Variants in RGSL1 observed in about 807,000 individuals in gnomAD.
RGSL1 encodes the protein regulator of G protein signaling like 1, also known as regulator of G protein signaling protein-like.
A neutral mutation model predicts 124.7 loss-of-function variants in RGSL1; 97 were observed. The ratio of observed to expected loss-of-function variants is 0.78; its 90% CI spans 0.66 to 0.92. The LOEUF (loss-of-function observed/expected upper bound fraction) is 0.92, where lower values mean the gene tolerates loss of function less well. Ranked by LOEUF, RGSL1 falls within the 40% of genes least tolerant of loss-of-function variation. RGSL1 has a pLI of 0.00. For missense variants in RGSL1, 1,233 were observed against 1,288.4 expected (o/e 0.96, Z 0.66); for synonymous variants, 424 against 438.1 (o/e 0.97, Z 0.40).
At chr1:182,485,710 G>A (rs1655047165) in intron 6 of RGSL1, among the ~76,000 whole-genome samples, 1 of 152,138 alleles carries the variant, frequency 6.6e-6, no homozygotes, top group Non-Finnish European at 1.5e-5. Flanking sequence ...TTCCTGCTCA[G>A]TCTATTGCAA....
intron 4 of RGSL1, among the ~76,000 whole-genome samples, chr1:182,469,763 A>G (rs986087360): frequency 2.0e-5 from 3 of 152,218 alleles, no homozygotes; most frequent in African/African-American, 7.2e-5. Context: ...GAAACCATCA[A>G]TGGATGAATG....
intron 14 of RGSL1, among the ~76,000 whole-genome samples, chr1:182,538,784 C>T (rs149715264): frequency 4.5e-4 from 69 of 152,186 alleles, no homozygotes; most frequent in African/African-American, 1.4e-3. Context: ...GTCCTAGGCA[C>T]CTCCCTCACC....
intron 14 of RGSL1, among the ~76,000 whole-genome samples, chr1:182,536,930 T>A (rs1334102107): frequency 6.6e-6 from 1 of 152,188 alleles, no homozygotes; most frequent in Non-Finnish European, 1.5e-5. Context: ...ACCATATAAT[T>A]TGCCATACAT....
chr1:182,500,550 A>G (rs1656271309), intron 9 of RGSL1, among the ~76,000 whole-genome samples: 3 of 152,184 alleles, frequency 2.0e-5, no homozygotes, highest in African/African-American at 4.8e-5. Flanking sequence ...AAAAATAATC[A>G]TCGGGGTTTG....
intron 9 of RGSL1, among the ~76,000 whole-genome samples, chr1:182,504,528 C>T (rs1433153907): frequency 9.1e-6 from 1 of 110,382 alleles, no homozygotes; most frequent in Non-Finnish European, 1.7e-5. Flanking sequence ...TTGTAGAAGA[C>T]TGGACTTTTT....
At chr1:182,474,776 G>A (rs944715479) in intron 6 of RGSL1, among the ~76,000 whole-genome samples, 12 of 152,158 alleles carry the variant, frequency 7.9e-5, no homozygotes, top group Non-Finnish European at 1.8e-4. Flanking sequence ...GGTGAACAGC[G>A]GGTAAGCAAG....
intron 8 of RGSL1, among the ~76,000 whole-genome samples, chr1:182,489,718 C>T (rs939128227): frequency 1.3e-5 from 2 of 152,218 alleles, no homozygotes; most frequent in African/African-American, 4.8e-5. Context: ...TGGGGTTACA[C>T]CCGTGCTCTC....
At chr1:182,518,842 A>G (rs1486138107) in intron 9 of RGSL1, among the ~76,000 whole-genome samples, 4 of 152,026 alleles carry the variant, frequency 2.6e-5, no homozygotes, top group Non-Finnish European at 5.9e-5. Flanking sequence ...TTCTGGCAAA[A>G]ATCTCAGCAT....
At chr1:182,488,470 A>C in intron 7 of RGSL1, 123 bp downstream of exon 7, 1 of 941,800 alleles carries the variant, frequency 1.1e-6, no homozygotes. Context: ...GAGTCAACCA[A>C]AGATCAGCAT....
At position 182,530,127 on chromosome 1, in the gene RGSL1, C is replaced by T; in HGVS notation, c.2126-117C>T. 1.0e-5 allele frequency: 7 copies of T among 678,206 alleles called. 1 individual carries two copies. In the South Asian group the frequency reaches 1.4e-4, roughly 13 times the overall value. 42.0% of individuals were successfully genotyped at this position (678,206 alleles called of 1,614,324 possible). ...AACTATGGCGGGATCAGAGTCTAGC[C>T]AGATTGAAAATGGGGGCTGTGAGAC... On this transcript the variant is annotated intron_variant, in intron 11 of 21. Coordinates refer to ENST00000294854, the MANE Select transcript of RGSL1 (RefSeq NM_001137669.2).
chr1:182,452,520 T>G (rs1401067260), intron 1 of RGSL1, among the ~76,000 whole-genome samples: 1 of 151,640 alleles, frequency 6.6e-6, no homozygotes, highest in Admixed American at 6.6e-5. Flanking sequence ...TGGTGCGATC[T>G]CGGCTCACTG....
chr1:182,488,559 T>C (rs1301691231), intron 7 of RGSL1: 6 of 513,486 alleles, frequency 1.2e-5, no homozygotes, highest in Non-Finnish European at 1.0e-5. Context: ...ACCCCGTCTC[T>C]ACTAAAAATA....
chr1:182,486,236 T>C (rs1264986512), intron 6 of RGSL1, among the ~76,000 whole-genome samples: 1 of 152,110 alleles, frequency 6.6e-6, no homozygotes, highest in African/African-American at 2.4e-5. Context: ...TTTCTTTTAA[T>C]TGAAAATGCT....
At position 182,489,173 on chromosome 1, in the gene RGSL1, T is replaced by C. The variant is rs370230019; in HGVS notation, c.1688T>C (p.Val563Ala). ...EDLKQGGSLQ[V>A]ELTSPVFLTD... is the part of the protein sequence containing the mutation. ...CTGAAGCAAGGAGGCTCTCTCCAGG[T>C]AGAGCTGACATCTCCAGTGTTTCTA... is the stretch of plus-strand genomic sequence containing the variant. The change falls in exon 8 of 22, where the codon GTA becomes GCA. Residue 563 changes from valine to alanine, a missense_variant. Coordinates refer to ENST00000294854, the MANE Select transcript of RGSL1 (RefSeq NM_001137669.2). 107 of 1,551,628 alleles carry C rather than the reference T, an allele frequency of 6.9e-5. No homozygotes were observed. Among genetic ancestry groups the C allele is most frequent in the Non-Finnish European group, 8.9e-5 (102 of 1,147,016 alleles).
chr1:182,493,963 A>C (rs528416177), intron 9 of RGSL1, among the ~76,000 whole-genome samples: 1 of 152,306 alleles, frequency 6.6e-6, no homozygotes, highest in East Asian at 1.9e-4. Context: ...AGGCAGGCTC[A>C]CATTACTCTA....
intron 6 of RGSL1, among the ~76,000 whole-genome samples, chr1:182,480,611 A>G (rs565908936): frequency 4.9e-4 from 75 of 152,100 alleles, no homozygotes; most frequent in African/African-American, 1.3e-3. Flanking sequence ...GCCCACCACC[A>G]TGCCCACCTA....
chr1:182,544,255 C>T (rs1262162438), intron 15 of RGSL1, among the ~76,000 whole-genome samples: 1 of 151,902 alleles, frequency 6.6e-6, no homozygotes, highest in African/African-American at 2.4e-5. Context: ...CTTCACTGAC[C>T]CATTGGTCAT....
intron 1 of RGSL1, among the ~76,000 whole-genome samples, chr1:182,451,552 T>G (rs1651832189): frequency 1.6e-5 from 2 of 126,526 alleles, no homozygotes; most frequent in African/African-American, 5.2e-5. Flanking sequence ...TGAGAGTACC[T>G]AGCACATGCA....
At chr1:182,453,564 C>A in intron 1 of RGSL1, 1 of 159,490 alleles carries the variant, frequency 6.3e-6, no homozygotes, top group Non-Finnish European at 1.4e-5. Flanking sequence ...GGTAAGCAGA[C>A]GTCTGTGATG....
Sources: gnomAD v4.1 joint callset for allele counts (sites outside exome capture counted in the v4.1 genomes callset) on GRCh38, gnomAD v4.1.1 for gene constraint, MANE v1.5 for transcripts, NCBI Gene and HGNC (gene_info 2026-07-23, HGNC 2026-07-21) for gene names.